Variants in GARS1 observed in about 807,000 individuals in gnomAD.
GARS1 encodes glycyl-tRNA synthetase 1.
Under a neutral mutation model 86.4 loss-of-function variants are expected in GARS1, and 46 were observed. The observed-to-expected ratio is 0.53, with a 90% CI of 0.42 to 0.68. The LOEUF (loss-of-function observed/expected upper bound fraction) is 0.68, where lower values mean the gene tolerates loss of function less well. GARS1 is among the 30% of genes least tolerant of loss of function. The pLI is 0.00. For synonymous variants in GARS1, 342 were observed against 329.8 expected, an observed-to-expected ratio of 1.04 and a Z score of -0.40; for missense variants, 797 against 915.6, an observed-to-expected ratio of 0.87 and a Z score of 1.67.
At chr7:30,616,080 A>G (rs1584038373) in intron 9 of GARS1, 22 bp downstream of exon 9, 22 of 1,613,880 alleles carry the variant, frequency 1.4e-5, no homozygotes, top group Non-Finnish European at 1.9e-5. Flanking sequence ...GAGGTAACTT[A>G]ACTTAGATTG....
chr7:30,629,836 AC>A (rs1314675778), intron 14 of GARS1, among the ~76,000 whole-genome samples: 1 of 152,240 alleles, frequency 6.6e-6, no homozygotes, highest in Non-Finnish European at 1.5e-5. Flanking sequence ...ATGATGACAA[AC>A]ATAACTGCAT....
Position 30,634,005 on chromosome 7 carries a change from C to G in GARS1, c.*145C>G. On this transcript the variant is annotated 3_prime_UTR_variant, in exon 17 of 17. Transcript: ENST00000389266. Reference sequence around the variant, plus strand: ...CAGTGGCTGCCTGATTTTACCCCCACAATTAAAGTTGAAGGAATCCTGAAC... The same window carrying G: ...CAGTGGCTGCCTGATTTTACCCCCAGAATTAAAGTTGAAGGAATCCTGAAC... 1.0e-6 allele frequency: 1 copy of G among 975,238 alleles called. No homozygotes were observed. Among genetic ancestry groups the G allele is most frequent in the East Asian group, 2.7e-5 (1 of 37,616 alleles). 60.4% of individuals were successfully genotyped at this position (975,238 alleles called of 1,614,324 possible). A position where few individuals can be genotyped will look rare whatever the true frequency, so the allele number is the denominator to read the frequency against.
At chr7:30,618,193 A>G (rs1413884766) in intron 10 of GARS1, among the ~76,000 whole-genome samples, 1 of 152,200 alleles carries the variant, frequency 6.6e-6, no homozygotes, top group Non-Finnish European at 1.5e-5. Flanking sequence ...TTCCAGTTAT[A>G]TGCCTCTCCC....
rs577822122 is a variant in GARS1 at position 30,621,814 on chromosome 7, C to T, written c.1467+314C>T. ...CGCACTTCACACCTGCACCTACCTA[C>T]GTGCTCTTTAAATAAAGGGTACCTG... On this transcript the variant is annotated intron_variant, in intron 11 of 16. Coordinates refer to ENST00000389266, the MANE Select transcript of GARS1 (RefSeq NM_002047.4). 3.0e-4 allele frequency: 131 copies of T among 439,266 alleles called. 1 individual carries two copies. Among genetic ancestry groups the T allele is most frequent in the South Asian group, 2.9e-3 (105 of 35,894 alleles). The allele number at this position is 439,266 out of a possible 1,614,324, so 27.2% of individuals were successfully genotyped here. A position where few individuals can be genotyped will look rare whatever the true frequency, so the allele number is the denominator to read the frequency against.
rs369898799 is a variant in GARS1 at position 30,598,843 on chromosome 7, C to T, written c.270C>T (p.Asp90=). 1.8e-4 allele frequency: 291 copies of T among 1,614,112 alleles called. 1 individual carries two copies. The Middle Eastern group carries it at 2.6e-3, about 15-fold the overall frequency. ...AAGAAGATAAAGCACCCCAAGTAGA[C>T]GTAGACAAAGCAGTGGCTGAGCTCA... ...KLKEDKAPQV[D]VDKAVAELKA... The change falls in exon 2 of 17, where the codon GAC becomes GAT. Residue 90 remains aspartate, a synonymous_variant. Transcript: ENST00000389266.
intron 13 of GARS1, 40 bp downstream of exon 13, chr7:30,626,359 T>G (rs1444880849): frequency 8.1e-7 from 1 of 1,232,882 alleles, no homozygotes; most frequent in South Asian, 1.2e-5. Flanking sequence ...TCACTGCTCC[T>G]TAAAGCTTTT....
At position 30,612,237 on chromosome 7, in the gene GARS1, C is replaced by A; in HGVS notation, c.1023C>A (p.Ile341=). Residue 341 remains isoleucine (I), a synonymous_variant, in exon 8 of 17, where the codon ATC becomes ATA. Transcript: ENST00000389266. ...RNEISPRSGL[I]RVREFTMAEI... Reference sequence around the variant, plus strand: ...AGATCTCCCCTCGATCTGGACTGATCAGAGTCAGGTACTGCTCAGGTTACT... The same window carrying A: ...AGATCTCCCCTCGATCTGGACTGATAAGAGTCAGGTACTGCTCAGGTTACT... 3 of 1,614,074 alleles carry A rather than the reference C, an allele frequency of 1.9e-6. No individual in the cohort carries two copies. The highest frequency in any genetic ancestry group is 8.5e-7 in the Non-Finnish European group (1 of 1,179,938).
At chr7:30,627,162 T>C (rs1045338916) in intron 13 of GARS1, 1 of 427,382 alleles carries the variant, frequency 2.3e-6, no homozygotes, top group Non-Finnish European at 4.8e-6. Context: ...TAGTAATGGG[T>C]GTTTGAGAAG....
In GARS1 at chr7:30,631,554, A is replaced by G. The variant is rs1459263233; in HGVS notation, c.1903+13A>G. 1 of 1,565,398 alleles carries G rather than the reference A, an allele frequency of 6.4e-7. No individual in the cohort carries two copies. Among genetic ancestry groups the G allele is most frequent in the Non-Finnish European group, 8.8e-7 (1 of 1,135,812 alleles). On this transcript the variant is annotated intron_variant, in intron 15 of 16. Coordinates refer to ENST00000389266, the MANE Select transcript of GARS1 (RefSeq NM_002047.4). ...GTCAAGGAATTATGTAAGCAAATTC[A>G]ATTGGGTAAACTCCATGGGAACACC...
intron 14 of GARS1, among the ~76,000 whole-genome samples, chr7:30,629,360 T>G (rs1328906281): frequency 6.6e-6 from 1 of 152,182 alleles, no homozygotes; most frequent in East Asian, 1.9e-4. Flanking sequence ...GTCTGATGCT[T>G]CTGAATCACT....
intron 6 of GARS1, among the ~76,000 whole-genome samples, chr7:30,608,406 A>G (rs973263675): frequency 3.9e-5 from 6 of 152,192 alleles, no homozygotes; most frequent in Admixed American, 6.5e-5. Context: ...TTTCTACTCT[A>G]GTAGGACCAG....
rs1314425578 is a variant in GARS1 at position 30,628,666 on chromosome 7, A to G, written c.1806A>G (p.Arg602=). The change falls in exon 14 of 17, where the codon AGA becomes AGG. Residue 602 remains arginine (R), a synonymous_variant. Transcript: ENST00000389266. ...TFHVREGDEQ[R]TFFSFPAVVA... ...ATGTACGAGAAGGAGATGAACAGAG[A>G]ACAGTAAGTTGTTGTGTACAGTGTG... The G allele has an allele frequency of 2.5e-6, 4 of 1,599,746 alleles. No homozygotes were observed. The highest frequency in any genetic ancestry group is 1.7e-5 in the Admixed American group (1 of 59,962).
intron 12 of GARS1, among the ~76,000 whole-genome samples, chr7:30,624,529 A>T (rs577382299): frequency 1.4e-4 from 21 of 152,220 alleles, no homozygotes; most frequent in African/African-American, 3.1e-4. Context: ...TGTATACATT[A>T]TATGTGAAAT....
intron 6 of GARS1, among the ~76,000 whole-genome samples, chr7:30,607,091 C>A (rs999338790): frequency 6.6e-6 from 1 of 152,234 alleles, no homozygotes; most frequent in African/African-American, 2.4e-5. Flanking sequence ...TTGTTCTTTT[C>A]TTTAGGGATA....
intron 15 of GARS1, chr7:30,631,848 A>G (rs956137956): frequency 2.9e-5 from 11 of 384,302 alleles, no homozygotes; most frequent in African/African-American, 2.3e-4. Flanking sequence ...TAGCAACCAT[A>G]ATGGATCTAC....
At chr7:30,617,350 TG>T in intron 10 of GARS1, 72 bp downstream of exon 10, 1 of 1,531,814 alleles carries the variant, frequency 6.5e-7, no homozygotes, top group South Asian at 1.2e-5. Flanking sequence ...AATGAATTTT[TG>T]TGCACTTTAT....
chr7:30,609,049 A>G (rs1475650736), intron 6 of GARS1, among the ~76,000 whole-genome samples: 1 of 152,218 alleles, frequency 6.6e-6, no homozygotes. Flanking sequence ...AGAATGTGCA[A>G]TACACTGGAA....
chr7:30,594,739 GC>G, upstream of GARS1: 1 of 603,098 alleles, frequency 1.7e-6, no homozygotes, highest in South Asian at 2.0e-5. Flanking sequence ...AAAACCTTCG[GC>G]GGGGTCCTTC....
At chr7:30,599,023 T>C in intron 2 of GARS1, 126 bp downstream of exon 2, 2 of 748,478 alleles carry the variant, frequency 2.7e-6, no homozygotes, top group East Asian at 2.7e-5. Context: ...TGTTTATCCA[T>C]AATGCCGCCT....
Sources: allele counts gnomAD v4.1 joint callset (sites outside exome capture counted in the v4.1 genomes callset), GRCh38; gene constraint gnomAD v4.1.1; transcripts MANE v1.5; gene names NCBI Gene and HGNC (gene_info 2026-07-23, HGNC 2026-07-21).